The following LRRC4C variants were observed in gnomAD, a reference collection of about 807,000 sequenced individuals.
LRRC4C encodes leucine rich repeat containing 4C.
In LRRC4C, 5 loss-of-function variants were observed where a neutral mutation model predicts 33.6. The ratio of observed to expected loss-of-function variants is 0.15; its 90% CI spans 0.08 to 0.31. LRRC4C has a LOEUF of 0.31. Among genes scored for constraint, LRRC4C ranks in the 10% least tolerant of loss-of-function variants. The pLI is 1.00. For synonymous variants in LRRC4C, 329 were observed against 302.0 expected (o/e 1.09, Z -0.93); for missense variants, 560 against 796.7 (o/e 0.70, Z 3.58).
intron 1 of LRRC4C, among the ~76,000 whole-genome samples, chr11:41,028,444 C>T (rs189323151): frequency 4.0e-5 from 6 of 151,608 alleles, no homozygotes; most frequent in Admixed American, 1.3e-4. Context: ...CCAGCAGCTT[C>T]GCCTCAGAAT....
chr11:40,768,866 C>T (rs752074166), intron 2 of LRRC4C, among the ~76,000 whole-genome samples: 17 of 152,050 alleles, frequency 1.1e-4, no homozygotes, highest in Non-Finnish European at 2.1e-4. Context: ...GACAGACCCA[C>T]AGCTAGTATC....
intron 1 of LRRC4C, among the ~76,000 whole-genome samples, chr11:41,191,599 G>T (rs900933179): frequency 6.6e-6 from 1 of 152,026 alleles, no homozygotes; most frequent in African/African-American, 2.4e-5. Flanking sequence ...TAAGCAGAAG[G>T]TAGCCCCAGA....
chr11:41,052,001 A>G (rs1858263415), intron 1 of LRRC4C, among the ~76,000 whole-genome samples: 1 of 152,004 alleles, frequency 6.6e-6, no homozygotes, highest in African/African-American at 2.4e-5. Context: ...TACCTAAACC[A>G]CTCAATGTTC....
At chr11:40,229,041 AG>A (rs750170096) in intron 5 of LRRC4C, among the ~76,000 whole-genome samples, 19 of 152,212 alleles carry the variant, frequency 1.2e-4, no homozygotes, top group Non-Finnish European at 1.8e-4. Flanking sequence ...TCTTTTACAA[AG>A]GGAGGGAAAA....
chr11:40,916,982 C>A (rs775917282), intron 2 of LRRC4C, among the ~76,000 whole-genome samples: 3 of 151,950 alleles, frequency 2.0e-5, no homozygotes, highest in Non-Finnish European at 4.4e-5. Flanking sequence ...CTAATATTTT[C>A]TTGAACTATA....
intron 4 of LRRC4C, among the ~76,000 whole-genome samples, chr11:40,315,004 A>G (rs1945506054): frequency 6.6e-6 from 1 of 152,038 alleles, no homozygotes; most frequent in African/African-American, 2.4e-5. Context: ...GGACAACTGT[A>G]GTTAACAAAA....
In LRRC4C at chr11:40,115,828, C is replaced by T; in HGVS notation, c.465G>A (p.Leu155=). Residue 155 remains leucine, a synonymous_variant, in exon 7 of 7, where the codon TTG becomes TTA. Transcript: ENST00000528697. This position sits in a 1 kb window ranked among gnomAD's most constrained non-coding sequence, Gnocchi z 6.7. ...GGATGCTTTCAATGGGGTTGTTTCG[C>T]AACCAGAGCTCCTTCAGTTTAGACA... The part of the protein sequence containing the change: ...VYLSKLKELW[L]RNNPIESIPS... The T allele has an allele frequency of 6.2e-7, 1 of 1,614,168 alleles. No individual in the cohort carries two copies. Among genetic ancestry groups the T allele is most frequent in the South Asian group, 1.1e-5 (1 of 91,076 alleles).
intron 1 of LRRC4C, among the ~76,000 whole-genome samples, chr11:41,398,070 T>C (rs185340662): frequency 1.3e-5 from 2 of 152,084 alleles, no homozygotes; most frequent in Non-Finnish European, 2.9e-5. Context: ...CACTTGGAGC[T>C]GAATTATTCT....
intron 1 of LRRC4C, among the ~76,000 whole-genome samples, chr11:41,322,913 T>G (rs1337876063): frequency 6.6e-6 from 1 of 152,070 alleles, no homozygotes; most frequent in Non-Finnish European, 1.5e-5. Context: ...TATACACACA[T>G]GCACACACAC....
At chr11:41,015,341 T>G (rs1855503342) in intron 1 of LRRC4C, among the ~76,000 whole-genome samples, 1 of 152,156 alleles carries the variant, frequency 6.6e-6, no homozygotes, top group Non-Finnish European at 1.5e-5. Flanking sequence ...AATGTTTAAT[T>G]TTTTTGAGAC....
intron 1 of LRRC4C, among the ~76,000 whole-genome samples, chr11:41,253,256 G>T (rs184502018): frequency 3.9e-5 from 6 of 152,212 alleles, no homozygotes; most frequent in African/African-American, 1.4e-4. Flanking sequence ...TCATCAAAAT[G>T]AGTAAACACA....
intron 1 of LRRC4C, among the ~76,000 whole-genome samples, chr11:41,445,777 T>C (rs1955801374): frequency 2.0e-5 from 3 of 152,036 alleles, no homozygotes; most frequent in Admixed American, 2.0e-4. Flanking sequence ...ACAAATTATT[T>C]TATAACAAAA....
intron 1 of LRRC4C, among the ~76,000 whole-genome samples, chr11:41,049,761 T>C (rs971060611): frequency 1.3e-5 from 2 of 152,206 alleles, no homozygotes; most frequent in Non-Finnish European, 2.9e-5. Flanking sequence ...GGCTTTGGGT[T>C]GTATTCCAGA....
intron 1 of LRRC4C, among the ~76,000 whole-genome samples, chr11:41,170,249 A>G (rs988804586): frequency 1.3e-5 from 2 of 152,202 alleles, no homozygotes. Context: ...AATTGGAAAA[A>G]ACTACTTTAA....
intron 1 of LRRC4C, among the ~76,000 whole-genome samples, chr11:40,952,917 C>CTT (rs1958782825): frequency 2.0e-5 from 3 of 149,990 alleles, no homozygotes; most frequent in Admixed American, 2.0e-4. Flanking sequence ...CTCTCTCTCT[C>CTT]TCTCTCTTTC....
chr11:40,912,197 G>A (rs1340242415), intron 2 of LRRC4C, among the ~76,000 whole-genome samples: 9 of 152,078 alleles, frequency 5.9e-5, no homozygotes, highest in East Asian at 1.9e-4. Flanking sequence ...TACAGAGAAT[G>A]CCACAAAGAT....
chr11:40,830,195 TTGAATATGGA>T (rs1952348366), intron 2 of LRRC4C, among the ~76,000 whole-genome samples: 1 of 152,150 alleles, frequency 6.6e-6, no homozygotes, highest in South Asian at 2.1e-4. Context: ...ATAACTGCGG[TTGAATATGGA>T]TGAATATTCT....
intron 1 of LRRC4C, among the ~76,000 whole-genome samples, chr11:41,381,346 G>A (rs1248398872): frequency 1.3e-5 from 2 of 152,100 alleles, no homozygotes; most frequent in Non-Finnish European, 2.9e-5. Context: ...AAGAACAATA[G>A]GCCTGGTGCT....
At chr11:40,484,986 A>G (rs1170603659) in intron 3 of LRRC4C, among the ~76,000 whole-genome samples, 1 of 152,092 alleles carries the variant, frequency 6.6e-6, no homozygotes, top group African/African-American at 2.4e-5. Flanking sequence ...ATTTGTTGGA[A>G]GAGCCTAGAA....
Sources: gnomAD v4.1 joint callset for allele counts (sites outside exome capture counted in the v4.1 genomes callset) on GRCh38, gnomAD v4.1.1 for gene constraint, Gnocchi (gnomAD v3.1) non-coding constraint, MANE v1.5 for transcripts, NCBI Gene and HGNC (gene_info 2026-07-23, HGNC 2026-07-21) for gene names.